The following KIF5C variants were observed in gnomAD, a reference collection of about 807,000 sequenced individuals.
KIF5C encodes the protein kinesin heavy chain isoform 5C.
KIF5C carries 18 observed loss-of-function variants against 125.2 expected under a neutral mutation model. The ratio of observed to expected loss-of-function variants is 0.14; its 90% CI spans 0.10 to 0.21. The LOEUF is 0.21. Among genes scored for constraint, KIF5C ranks in the 10% least tolerant of loss-of-function variants. The pLI is 1.00. For missense variants in KIF5C, 780 were observed against 1,183.8 expected, an observed-to-expected ratio of 0.66 and a Z score of 5.01; for synonymous variants, 405 against 434.0, an observed-to-expected ratio of 0.93 and a Z score of 0.83.
intron 1 of KIF5C, among the ~76,000 whole-genome samples, chr2:148,898,610 A>G (rs1483396977): frequency 6.6e-6 from 1 of 152,188 alleles, no homozygotes; most frequent in Non-Finnish European, 1.5e-5. Context: ...TTACTGCTTT[A>G]AGGATACAGA....
At chr2:149,004,409 C>A (rs543845791) in intron 21 of KIF5C, among the ~76,000 whole-genome samples, 2 of 152,188 alleles carry the variant, frequency 1.3e-5, no homozygotes, top group Admixed American at 1.3e-4. Context: ...TTGCAAGGAA[C>A]TGATCATATT....
chr2:148,964,025 C>A (rs1682990072), intron 11 of KIF5C, among the ~76,000 whole-genome samples: 1 of 152,166 alleles, frequency 6.6e-6, no homozygotes, highest in South Asian at 2.1e-4. Context: ...TGTTTTCTCC[C>A]AGCTCTTTGG....
At chr2:148,901,925 C>T (rs1459892184) in intron 1 of KIF5C, among the ~76,000 whole-genome samples, 3 of 152,128 alleles carry the variant, frequency 2.0e-5, no homozygotes, top group Admixed American at 2.0e-4. Flanking sequence ...CTGCAGAGGC[C>T]AGAACACTGG....
intron 15 of KIF5C, among the ~76,000 whole-genome samples, chr2:148,984,577 C>T (rs1036752824): frequency 3.3e-5 from 5 of 152,118 alleles, no homozygotes; most frequent in African/African-American, 9.7e-5. Flanking sequence ...GCAGGATGGG[C>T]TGAAAAGGCC....
At chr2:149,016,862 G>A (rs1169717547) in intron 25 of KIF5C, among the ~76,000 whole-genome samples, 2 of 152,144 alleles carry the variant, frequency 1.3e-5, no homozygotes, top group Non-Finnish European at 2.9e-5. Flanking sequence ...GCTGAGGGGC[G>A]AGTTGGACCA....
At chr2:148,995,126 G>A (rs1301432159) in intron 17 of KIF5C, among the ~76,000 whole-genome samples, 2 of 151,844 alleles carry the variant, frequency 1.3e-5, no homozygotes, top group Non-Finnish European at 2.9e-5. Flanking sequence ...CACCAGAGCC[G>A]GTCCATTTCA....
At chr2:148,930,213 A>T (rs892555840) in intron 3 of KIF5C, among the ~76,000 whole-genome samples, 1 of 152,086 alleles carries the variant, frequency 6.6e-6, no homozygotes, top group East Asian at 1.9e-4. Flanking sequence ...CCCTGAAGGC[A>T]CTTCAGGGTA....
At chr2:148,881,549 A>G (rs1039443535) in intron 1 of KIF5C, among the ~76,000 whole-genome samples, 5 of 151,726 alleles carry the variant, frequency 3.3e-5, no homozygotes, top group Non-Finnish European at 4.4e-5. Context: ...ATAAATGCCA[A>G]TTTCTGCATT....
chr2:148,965,600 T>A (rs148057401), intron 11 of KIF5C, among the ~76,000 whole-genome samples: 147 of 152,290 alleles, frequency 9.7e-4, no homozygotes, highest in Non-Finnish European at 1.7e-3. Context: ...CCTCAAACAG[T>A]AACTCTGTGT....
At chr2:148,914,915 G>T (rs1681484541) in intron 1 of KIF5C, among the ~76,000 whole-genome samples, 1 of 152,226 alleles carries the variant, frequency 6.6e-6, no homozygotes, top group Non-Finnish European at 1.5e-5. Flanking sequence ...TGGCCTTAGG[G>T]TCTCCCTGTG....
intron 13 of KIF5C, among the ~76,000 whole-genome samples, chr2:148,979,451 A>G (rs1410511493): frequency 6.6e-6 from 1 of 152,064 alleles, no homozygotes; most frequent in Non-Finnish European, 1.5e-5. Flanking sequence ...TAATTTTTTA[A>G]TATTTTGAGA....
Position 148,978,864 on chromosome 2 carries a change from C to G in KIF5C, c.1294-58C>G, listed in dbSNP as rs1037179546. ...ATGGTAGCTGCCTGTCACTGGGAGACTGGGATATCAAAAATGACATAACTA... is the reference window on the plus strand; with the variant it reads ...ATGGTAGCTGCCTGTCACTGGGAGAGTGGGATATCAAAAATGACATAACTA... On this transcript the variant is annotated intron_variant, in intron 12 of 25. Coordinates refer to ENST00000435030, the MANE Select transcript of KIF5C (RefSeq NM_004522.3). 3.7e-5 allele frequency: 57 copies of G among 1,532,500 alleles called. No homozygotes were observed. In the Admixed American group the frequency reaches 1.1e-3, roughly 30 times the overall value. The allele number at this position is 1,532,500 out of a possible 1,614,324, so 94.9% of individuals were successfully genotyped here. A position where few individuals can be genotyped will look rare whatever the true frequency, so the allele number is the denominator to read the frequency against.
At chr2:148,984,560 A>G (rs1681326557) in intron 15 of KIF5C, among the ~76,000 whole-genome samples, 1 of 152,074 alleles carries the variant, frequency 6.6e-6, no homozygotes, top group African/African-American at 2.4e-5. Flanking sequence ...ACTCAACCAC[A>G]TCCAAGGCAG....
chr2:148,889,456 G>T (rs984992108), intron 1 of KIF5C, among the ~76,000 whole-genome samples: 1 of 152,200 alleles, frequency 6.6e-6, no homozygotes, highest in Non-Finnish European at 1.5e-5. Flanking sequence ...ACTTGGAGGG[G>T]TTGCTGTACC....
At chr2:148,952,267 C>A (rs560992311) in intron 10 of KIF5C, among the ~76,000 whole-genome samples, 1 of 152,006 alleles carries the variant, frequency 6.6e-6, no homozygotes, top group South Asian at 2.1e-4. Flanking sequence ...AACATCTCTT[C>A]AAAAAAAATC....
At chr2:148,959,006 C>T (rs540958970) in intron 10 of KIF5C, among the ~76,000 whole-genome samples, 31 of 151,756 alleles carry the variant, frequency 2.0e-4, no homozygotes, top group African/African-American at 6.3e-4. Context: ...ACTTTGCCTA[C>T]CCCAAGGTCT....
intron 1 of KIF5C, among the ~76,000 whole-genome samples, chr2:148,916,034 C>T (rs961504469): frequency 6.6e-6 from 1 of 152,222 alleles, no homozygotes; most frequent in Non-Finnish European, 1.5e-5. Context: ...ACCAAGAGGG[C>T]TCCAGCAGCC....
At chr2:149,001,093 G>A (rs1681839447) in intron 21 of KIF5C, among the ~76,000 whole-genome samples, 1 of 152,200 alleles carries the variant, frequency 6.6e-6, no homozygotes, top group African/African-American at 2.4e-5. Flanking sequence ...TATTTATTGA[G>A]CATCTCCTAA....
At chr2:148,935,955 C>T (rs775711369) in intron 3 of KIF5C, among the ~76,000 whole-genome samples, 16 of 152,148 alleles carry the variant, frequency 1.1e-4, no homozygotes, top group Admixed American at 6.5e-4. Context: ...TAAGGGCATT[C>T]CAGAGGAGTA....
Sources: allele counts gnomAD v4.1 joint callset (sites outside exome capture counted in the v4.1 genomes callset), GRCh38; gene constraint gnomAD v4.1.1; transcripts MANE v1.5; gene names NCBI Gene and HGNC (gene_info 2026-07-23, HGNC 2026-07-21).